DSN1: variants seen among roughly 807,000 people sequenced by gnomAD.
DSN1 encodes the protein kinetochore-associated protein DSN1 homolog.
DSN1 carries 31 observed loss-of-function variants against 45.7 expected under a neutral mutation model. The observed-to-expected ratio is 0.68, with a 90% CI of 0.51 to 0.92. The LOEUF is 0.92. Among genes scored for constraint, DSN1 ranks in the 40% least tolerant of loss-of-function variants. DSN1 has a pLI of 0.00. For synonymous variants in DSN1, 134 were observed against 142.3 expected, an observed-to-expected ratio of 0.94 and a Z score of 0.41; for missense variants, 394 against 414.2, an observed-to-expected ratio of 0.95 and a Z score of 0.42.
At chr20:36,766,288 C>T (rs914918194) in intron 5 of DSN1, among the ~76,000 whole-genome samples, 5 of 151,230 alleles carry the variant, frequency 3.3e-5, no homozygotes, top group African/African-American at 9.7e-5. Context: ...GGGAGAGGAA[C>T]TTAGACTGGG....
At chr20:36,758,049 A>G (rs1456063717) in intron 8 of DSN1, 38 bp downstream of exon 8, 3 of 1,578,520 alleles carry the variant, frequency 1.9e-6, no homozygotes, top group South Asian at 2.2e-5. Context: ...CAAACTCCAT[A>G]AGATTTTTAA....
At chr20:36,763,796 A>C (rs1424657126) in intron 5 of DSN1, among the ~76,000 whole-genome samples, 1 of 148,996 alleles carries the variant, frequency 6.7e-6, no homozygotes, top group Non-Finnish European at 1.5e-5. Context: ...CTGAGGCAGG[A>C]GAATCACTTG....
At chr20:36,766,344 A>G (rs1987337057) in intron 5 of DSN1, among the ~76,000 whole-genome samples, 1 of 152,020 alleles carries the variant, frequency 6.6e-6, no homozygotes, top group Non-Finnish European at 1.5e-5. Flanking sequence ...ACACTTCCTT[A>G]GCTTCATAAG....
chr20:36,770,232 ATTTT>A (rs1049826020), intron 3 of DSN1, among the ~76,000 whole-genome samples: 1 of 151,802 alleles, frequency 6.6e-6, no homozygotes, highest in Non-Finnish European at 1.5e-5. Context: ...ATGCCCTGCT[ATTTT>A]TTTAAAAACT....
chr20:36,771,938 T>C (rs1310669403), intron 1 of DSN1, among the ~76,000 whole-genome samples: 2 of 152,256 alleles, frequency 1.3e-5, no homozygotes, highest in Admixed American at 6.5e-5. Flanking sequence ...TGGAGTACAG[T>C]AGCACAATCT....
At chr20:36,766,290 T>TA (rs1987334004) in intron 5 of DSN1, among the ~76,000 whole-genome samples, 1 of 151,910 alleles carries the variant, frequency 6.6e-6, no homozygotes, top group South Asian at 2.1e-4. Flanking sequence ...GAGAGGAACT[T>TA]AGACTGGGGG....
At chr20:36,755,934 C>T (rs1302258179) in intron 8 of DSN1, 105 bp from the exon 9 acceptor site, 1 of 1,309,026 alleles carries the variant, frequency 7.6e-7, no homozygotes, top group East Asian at 2.3e-5. Flanking sequence ...CCACTCTACG[C>T]TAGCTATAGG....
intron 5 of DSN1, among the ~76,000 whole-genome samples, chr20:36,763,909 AAAG>A (rs1449491092): frequency 1.3e-4 from 20 of 149,628 alleles, no homozygotes; most frequent in African/African-American, 4.2e-4. Context: ...AAAAAAAAAA[AAAG>A]AAAGACAGAA....
At chr20:36,762,857 T>C (rs1235133863) in intron 5 of DSN1, among the ~76,000 whole-genome samples, 1 of 152,002 alleles carries the variant, frequency 6.6e-6, no homozygotes, top group Non-Finnish European at 1.5e-5. Flanking sequence ...GCTCAAGCAA[T>C]ATAACCCCCG....
chr20:36,757,388 G>A lies in DSN1; in HGVS notation c.725+699C>T, dbSNP rs1986732312. On this transcript the variant is annotated intron_variant, in intron 8 of 10. Transcript: ENST00000373750. ...AACAAAAAAACACCCAGCCCAGCCT[G>A]GCCAACATGGTGAAATCCTGTCTCT... Among the ~76,000 whole-genome samples the A allele has an allele frequency of 1.3e-5, 2 of 151,940 alleles. 1 individual carries two copies. Among genetic ancestry groups the A allele is most frequent in the South Asian group, 4.1e-4 (2 of 4,826 alleles).
intron 6 of DSN1, among the ~76,000 whole-genome samples, chr20:36,759,961 C>T (rs578024531): frequency 6.6e-6 from 1 of 152,130 alleles, no homozygotes; most frequent in Non-Finnish European, 1.5e-5. Flanking sequence ...CTGTGACTCT[C>T]AGCCAGGCGT....
chr20:36,766,224 CA>C (rs1391915107), intron 5 of DSN1, among the ~76,000 whole-genome samples: 1 of 149,292 alleles, frequency 6.7e-6, no homozygotes, highest in Non-Finnish European at 1.5e-5. Flanking sequence ...AAAAAAAAAG[CA>C]ATAAATATTT....
chr20:36,764,308 C>A (rs1337547459), intron 5 of DSN1, among the ~76,000 whole-genome samples: 1 of 151,954 alleles, frequency 6.6e-6, no homozygotes, highest in Non-Finnish European at 1.5e-5. Context: ...GTGAAGAACA[C>A]TAAGGGGAAA....
intron 1 of DSN1, among the ~76,000 whole-genome samples, chr20:36,772,624 C>G (rs571469037): frequency 4.6e-5 from 7 of 152,238 alleles, no homozygotes; most frequent in African/African-American, 1.7e-4. Flanking sequence ...GGGACTTTTC[C>G]AAAGTGTAGT....
rs145774066 is a variant in DSN1 at position 36,755,763 on chromosome 20, C to T, written c.792G>A (p.Gln264=). 3.1e-6 allele frequency: 5 copies of T among 1,613,946 alleles called. No individual in the cohort carries two copies. In the African/African-American group the frequency reaches 6.7e-5, roughly 22 times the overall value. ...VEPMTYLGSS[Q]NEVLNTKPDY... is the part of the protein sequence containing the mutation. ...CAGGTTTTGTATTAAGAACTTCATT[C>T]TGAGAAGACCCAAGATATGTCATAG... Residue 264 remains glutamine (Q), a synonymous_variant, in exon 9 of 11, where the codon CAG becomes CAA. Coordinates refer to ENST00000373750, the MANE Select transcript of DSN1 (RefSeq NM_001145315.2).
rs184722910 is a variant in DSN1, at chr20:36,771,652, A to C, written c.-15-179T>G. 4.6e-5 allele frequency among the ~76,000 whole-genome samples: 7 copies of C among 152,294 alleles called. No homozygotes were observed. The East Asian group carries it at 1.3e-3, about 29-fold the overall frequency. On this transcript the variant is annotated intron_variant, in intron 1 of 10. Transcript: ENST00000373750. The stretch of plus-strand genomic sequence containing the variant: ...CACCTCCTCTTCTGAATTTCTATAC[A>C]CTTTATTGCTAGAAATATTCAAATC...
rs766609936 is a variant in DSN1 at position 36,771,510 on chromosome 20, G to A, written c.-15-37C>T. The stretch of plus-strand genomic sequence containing the variant: ...AAAATGGAAGTGATCTGTTCTTCAC[G>A]TTTCACTGCAGTCTCAATGGGGCTT... On this transcript the variant is annotated intron_variant, in intron 1 of 10. Coordinates refer to ENST00000373750, the MANE Select transcript of DSN1 (RefSeq NM_001145315.2). 3.2e-5 allele frequency: 51 copies of A among 1,598,098 alleles called. No homozygotes were observed. The South Asian group carries it at 3.9e-4, about 12-fold the overall frequency.
intron 9 of DSN1, 65 bp downstream of exon 9, chr20:36,755,617 A>G (rs1008654010): frequency 1.3e-6 from 2 of 1,552,886 alleles, no homozygotes; most frequent in Non-Finnish European, 1.7e-6. Flanking sequence ...CAGGTCTTTT[A>G]ATTTCCAAGG....
Position 36,770,891 on chromosome 20 carries a change from T to C in DSN1, c.337A>G (p.Ile113Val). Residue 113 changes from isoleucine (I) to valine (V), a missense_variant, in exon 3 of 11, where the codon ATT (isoleucine) becomes GTT (valine). Ile to Val is a conservative substitution (Grantham distance 29, BLOSUM62 3). Coordinates refer to ENST00000373750, the MANE Select transcript of DSN1 (RefSeq NM_001145315.2). ...ETNRRKSLHP[I>V]HQGITELSRS... is the part of the protein sequence containing the mutation. The stretch of plus-strand genomic sequence containing the variant: ...ACCCCACCTGTGATGCCCTGGTGAA[T>C]GGGATGCAGCGACTTCCGCCGGTTC... 1.2e-6 allele frequency: 2 copies of C among 1,611,746 alleles called. No homozygotes were observed. The highest frequency in any genetic ancestry group is 1.7e-6 in the Non-Finnish European group (2 of 1,179,598).
Sources: gnomAD v4.1 joint callset for allele counts (sites outside exome capture counted in the v4.1 genomes callset) on GRCh38, gnomAD v4.1.1 for gene constraint, MANE v1.5 for transcripts, NCBI Gene and HGNC (gene_info 2026-07-23, HGNC 2026-07-21) for gene names.